DZIP1L: variants seen among roughly 807,000 people sequenced by gnomAD.
The protein encoded by DZIP1L is cilium assembly protein DZIP1L.
In DZIP1L, 90 loss-of-function variants were observed where a neutral mutation model predicts 88.7. That is an observed-to-expected ratio of 1.02 (90% CI 0.86 to 1.21). DZIP1L has a LOEUF of 1.21. Among genes scored for constraint, DZIP1L ranks in the 50% most tolerant of loss-of-function variants. The pLI is 0.00. For synonymous variants in DZIP1L, 363 were observed against 372.1 expected, an observed-to-expected ratio of 0.98 and a Z score of 0.28; for missense variants, 932 against 955.8, an observed-to-expected ratio of 0.98 and a Z score of 0.33.
chr3:138,083,881 T>TA (rs1452255797), intron 8 of DZIP1L, among the ~76,000 whole-genome samples: 2 of 152,292 alleles, frequency 1.3e-5, no homozygotes, highest in East Asian at 1.9e-4. Flanking sequence ...TCTCTGCTGT[T>TA]AGAGTGGCCC....
At chr3:138,097,112 T>C (rs1199029742) in intron 3 of DZIP1L, among the ~76,000 whole-genome samples, 1 of 147,828 alleles carries the variant, frequency 6.8e-6, no homozygotes, top group Non-Finnish European at 1.5e-5. Flanking sequence ...GCCCAGGAGG[T>C]GGAGGCTGCA....
At chr3:138,108,414 T>G (rs1047079431) in intron 1 of DZIP1L, among the ~76,000 whole-genome samples, 3 of 152,132 alleles carry the variant, frequency 2.0e-5, no homozygotes, top group Non-Finnish European at 2.9e-5. Flanking sequence ...GTCCTCTCTC[T>G]AATAATAAAG....
chr3:138,064,124 G>A (rs1942789759), intron 15 of DZIP1L, among the ~76,000 whole-genome samples: 1 of 152,136 alleles, frequency 6.6e-6, no homozygotes, highest in Non-Finnish European at 1.5e-5. Flanking sequence ...GAGGCAAGGA[G>A]GCTCAGGTTT....
Position 138,094,961 on chromosome 3 carries a change from C to G in DZIP1L, c.609G>C (p.Gln203His). 6.2e-7 allele frequency: 1 copy of G among 1,614,280 alleles called. No individual in the cohort carries two copies. The highest frequency in any genetic ancestry group is 8.5e-7 in the Non-Finnish European group (1 of 1,180,046). The change falls in exon 4 of 16, where the codon CAG (glutamine) becomes CAC (histidine). Residue 203 changes from glutamine to histidine, a missense_variant. Gln to His is a conservative substitution (Grantham distance 24). Coordinates refer to ENST00000327532, the MANE Select transcript of DZIP1L (RefSeq NM_173543.3). ...GCTCTTCTAACACCTCTTCCACTGGCTGTTCCTGTTTCTTCTGTTTTCCTG... is the reference window on the plus strand; with the variant it reads ...GCTCTTCTAACACCTCTTCCACTGGGTGTTCCTGTTTCTTCTGTTTTCCTG... ...AEGGKQKKQEQPVEEVLEELR... is the reference protein window; with the variant it reads ...AEGGKQKKQEHPVEEVLEELR...
intron 14 of DZIP1L, among the ~76,000 whole-genome samples, chr3:138,065,044 G>T (rs1942835640): frequency 1.3e-5 from 2 of 152,250 alleles, no homozygotes; most frequent in South Asian, 4.1e-4. Flanking sequence ...TCTAATGAGA[G>T]GCTGAGGCAG....
chr3:138,104,672 G>C (rs2042426478), intron 1 of DZIP1L, among the ~76,000 whole-genome samples: 2 of 152,208 alleles, frequency 1.3e-5, no homozygotes, highest in South Asian at 4.1e-4. Flanking sequence ...CCTGGAATGT[G>C]AGTGAAATGA....
rs1489553276 is a variant in DZIP1L, at chr3:138,103,871, T to A, written c.101A>T (p.Asp34Val). The A allele has an allele frequency of 1.2e-6, 2 of 1,613,926 alleles. No individual in the cohort carries two copies. The highest frequency in any genetic ancestry group is 1.7e-6 in the Non-Finnish European group (2 of 1,180,036). Residue 34 changes from aspartate to valine, a missense_variant, in exon 2 of 16, where the codon GAC (aspartate) becomes GTC (valine). Coordinates refer to ENST00000327532, the MANE Select transcript of DZIP1L (RefSeq NM_173543.3). ...FKFQPRHDSMDWRRISTLDVD... is the reference protein window; with the variant it reads ...FKFQPRHDSMVWRRISTLDVD... ...ATCCAGGGTGCTAATGCGTCTCCAG[T>A]CCATGCTATCATGGCGAGGCTGAAA...
At chr3:138,064,797 G>A in intron 14 of DZIP1L, 30 bp from the exon 15 acceptor site, 2 of 1,541,894 alleles carry the variant, frequency 1.3e-6, no homozygotes, top group African/African-American at 1.4e-5. Flanking sequence ...CTGTGTCAGT[G>A]GGAGAAGCCT....
Position 138,063,477 on chromosome 3 carries a change from T to G in DZIP1L, c.2143-500A>C, listed in dbSNP as rs1025421375. Reference sequence around the variant, plus strand: ...AGGAGTCCTTCAGCCTGGAAGGGTCTGCACTGCAGCCAGCAGGACAGCTCA... The same window carrying G: ...AGGAGTCCTTCAGCCTGGAAGGGTCGGCACTGCAGCCAGCAGGACAGCTCA... On this transcript the variant is annotated intron_variant, in intron 15 of 15. Transcript: ENST00000327532. This position sits in a 1 kb window ranked among gnomAD's most constrained non-coding sequence, Gnocchi z 4.1. 6.6e-6 allele frequency among the ~76,000 whole-genome samples: 1 copy of G among 152,234 alleles called. No homozygotes were observed. The highest frequency in any genetic ancestry group is 1.5e-5 in the Non-Finnish European group (1 of 68,036).
At chr3:138,071,423 G>C (rs764775569) in intron 12 of DZIP1L, among the ~76,000 whole-genome samples, 1 of 152,148 alleles carries the variant, frequency 6.6e-6, no homozygotes, top group African/African-American at 2.4e-5. Flanking sequence ...CAACTTCCCC[G>C]AGTGACCCTG....
chr3:138,064,544 C>A (rs1233487556), intron 15 of DZIP1L, 84 bp downstream of exon 15: 1 of 1,613,382 alleles, frequency 6.2e-7, no homozygotes, highest in South Asian at 1.1e-5. Flanking sequence ...CTGGGCCCTC[C>A]CCAACCTTCA....
At chr3:138,066,262 T>C (rs1413177066) in intron 14 of DZIP1L, among the ~76,000 whole-genome samples, 1 of 152,238 alleles carries the variant, frequency 6.6e-6, no homozygotes. Context: ...GAAACTGTTT[T>C]CCCTTCAAGT....
intron 14 of DZIP1L, 38 bp downstream of exon 14, chr3:138,067,493 G>C (rs753109957): frequency 6.5e-7 from 1 of 1,547,982 alleles, no homozygotes; most frequent in Non-Finnish European, 8.7e-7. Flanking sequence ...GGGCTACACC[G>C]GTGGTCCCAG....
At chr3:138,111,539 G>A (rs1269648988) in intron 1 of DZIP1L, among the ~76,000 whole-genome samples, 5 of 152,136 alleles carry the variant, frequency 3.3e-5, no homozygotes, top group African/African-American at 4.8e-5. Context: ...CTTACACTCT[G>A]AGCATACTCC....
Position 138,102,020 on chromosome 3 carries a change from GTCA to G in DZIP1L, c.501+1448_501+1450del, listed in dbSNP as rs1451625769. On this transcript the variant is annotated intron_variant, in intron 2 of 15. Coordinates refer to ENST00000327532, the MANE Select transcript of DZIP1L (RefSeq NM_173543.3). ...AGATCTCAGTCTTTGTATGCTGCAG[GTCA>G]TCTCCATGCTTCCCAGCCAGCATCT... 2.0e-6 allele frequency: 3 copies of G among 1,471,180 alleles called. No homozygotes were observed. In the African/African-American group the frequency reaches 4.2e-5, roughly 20 times the overall value. 91.1% of individuals were successfully genotyped at this position (1,471,180 alleles called of 1,614,324 possible).
At chr3:138,114,435 G>T (rs1347078855) in intron 1 of DZIP1L, among the ~76,000 whole-genome samples, 1 of 152,152 alleles carries the variant, frequency 6.6e-6, no homozygotes, top group Non-Finnish European at 1.5e-5. Context: ...AAGACAGTCA[G>T]AAGGCCCCTT....
At chr3:138,078,708 C>T (rs983559577) in intron 10 of DZIP1L, among the ~76,000 whole-genome samples, 1 of 152,152 alleles carries the variant, frequency 6.6e-6, no homozygotes, top group African/African-American at 2.4e-5. Flanking sequence ...TAACTCCTCC[C>T]CTACCACCCA....
intron 5 of DZIP1L, among the ~76,000 whole-genome samples, chr3:138,091,698 G>C (rs955053527): frequency 4.5e-5 from 1 of 22,406 alleles, no homozygotes; most frequent in African/African-American, 9.0e-5. Flanking sequence ...GAAGGAAGGA[G>C]AGGGAGAGAG....
intron 11 of DZIP1L, among the ~76,000 whole-genome samples, chr3:138,073,736 G>T (rs1943279365): frequency 1.3e-5 from 2 of 152,008 alleles, no homozygotes; most frequent in African/African-American, 2.4e-5. Flanking sequence ...GCCAGAAAAA[G>T]AATTCAGAAG....
Sources: gnomAD v4.1 joint callset for allele counts (sites outside exome capture counted in the v4.1 genomes callset) on GRCh38, gnomAD v4.1.1 for gene constraint, Gnocchi (gnomAD v3.1) non-coding constraint, MANE v1.5 for transcripts, NCBI Gene and HGNC (gene_info 2026-07-23, HGNC 2026-07-21) for gene names.